The following DSG3 variants were observed in gnomAD, a reference collection of about 807,000 sequenced individuals.
The protein encoded by DSG3 is desmoglein-3.
Under a neutral mutation model 85.9 loss-of-function variants are expected in DSG3, and 63 were observed. That is an observed-to-expected ratio of 0.73 (90% CI 0.60 to 0.90). DSG3 has a LOEUF of 0.90. Ranked by LOEUF, DSG3 falls within the 40% of genes least tolerant of loss-of-function variation. DSG3 has a pLI of 0.00. For missense variants in DSG3, 1,220 were observed against 1,219.9 expected (o/e 1.00, Z 0.00); for synonymous variants, 447 against 441.9 (o/e 1.01, Z -0.14).
rs1473179437 is a variant in DSG3 at position 31,477,334 on chromosome 18, AT to A, written c.*1080del. ...CTGTGTTAGTCTTTGAAAATAGCTCATTTTTTAAATGTCAGTGAGTAGATGT... is the reference window on the plus strand; with the variant it reads ...CTGTGTTAGTCTTTGAAAATAGCTCATTTTTAAATGTCAGTGAGTAGATGT... On this transcript the variant is annotated 3_prime_UTR_variant, in exon 16 of 16. Coordinates refer to ENST00000257189, the MANE Select transcript of DSG3 (RefSeq NM_001944.3). 2 of 152,200 alleles carry A rather than the reference AT, an allele frequency of 1.3e-5. No homozygotes were observed. Among genetic ancestry groups the A allele is most frequent in the Non-Finnish European group, 2.9e-5 (2 of 68,022 alleles). 9.4% of individuals were successfully genotyped at this position (152,200 alleles called of 1,614,324 possible).
rs137884016 is a variant in DSG3, at chr18:31,458,574, G to C, written c.346G>C (p.Asp116His). The C allele has an allele frequency of 3.1e-6, 5 of 1,613,448 alleles. No homozygotes were observed. Among genetic ancestry groups the C allele is most frequent in the African/African-American group, 1.3e-5 (1 of 75,006 alleles). Reference protein sequence around the residue: ...TGDINITAIVDREETPSFLIT... With the variant: ...TGDINITAIVHREETPSFLIT... ...AGATATTAACATAACAGCTATAGTC[G>C]ACCGGGAGGAAACTCCAAGCTTCCT... Residue 116 changes from aspartate to histidine, a missense_variant, in exon 4 of 16, where the codon GAC becomes CAC. Asp to His is a moderately conservative substitution (Grantham distance 81, BLOSUM62 -1). Transcript: ENST00000257189.
At position 31,475,703 on chromosome 18, in the gene DSG3, A is replaced by T. The variant is rs1256313405; in HGVS notation, c.2443A>T (p.Ile815Phe). The change falls in exon 16 of 16, where the codon ATC (isoleucine) becomes TTC (phenylalanine). Residue 815 changes from isoleucine to phenylalanine, a missense_variant. By Grantham distance (21) the Ile-to-Phe change is conservative (BLOSUM62 0). Transcript: ENST00000257189. ...CCAGGAAGCAAATGACTGCTTGTTG[A>T]TCTATGATAATGAAGGCGCAGATGC... ...DGQEANDCLL[I>F]YDNEGADATG... The T allele has an allele frequency of 1.9e-6, 3 of 1,613,990 alleles. No individual in the cohort carries two copies. Among genetic ancestry groups the T allele is most frequent in the Non-Finnish European group, 1.7e-6 (2 of 1,180,034 alleles).
At chr18:31,451,288 G>C (rs1001191249) in intron 1 of DSG3, among the ~76,000 whole-genome samples, 1 of 152,080 alleles carries the variant, frequency 6.6e-6, no homozygotes, top group African/African-American at 2.4e-5. Context: ...ATGAGCATTT[G>C]GACAATTTGC....
intron 13 of DSG3, 112 bp from the exon 14 acceptor site, chr18:31,472,613 T>G (rs2072862993): frequency 7.7e-7 from 1 of 1,305,032 alleles, no homozygotes; most frequent in East Asian, 2.5e-5. Flanking sequence ...CTGAAAGAAT[T>G]TGCACTTCTT....
At chr18:31,474,078 A>G in intron 14 of DSG3, 43 bp from the exon 15 acceptor site, 1 of 1,570,124 alleles carries the variant, frequency 6.4e-7, no homozygotes, top group Non-Finnish European at 8.7e-7. Context: ...AATGCAACAA[A>G]CAACAGCATA....
intron 4 of DSG3, 147 bp downstream of exon 4, chr18:31,458,747 G>T: frequency 2.0e-6 from 2 of 1,000,436 alleles, no homozygotes; most frequent in South Asian, 3.5e-5. Flanking sequence ...CCTCCACAGA[G>T]CCTCGCCTGA....
chr18:31,448,835 A>C (rs2072694441), intron 1 of DSG3, among the ~76,000 whole-genome samples: 1 of 152,270 alleles, frequency 6.6e-6, no homozygotes, highest in South Asian at 2.1e-4. Context: ...AATTGAGATA[A>C]ATGGACTTCA....
At chr18:31,458,790 T>A (rs896069811) in intron 4 of DSG3, among the ~76,000 whole-genome samples, 190 bp downstream of exon 4, 12 of 152,190 alleles carry the variant, frequency 7.9e-5, no homozygotes, top group Admixed American at 2.6e-4. Flanking sequence ...GAGTGAGGGT[T>A]GAAATCTAGC....
At chr18:31,473,877 A>G (rs540749425) in intron 14 of DSG3, among the ~76,000 whole-genome samples, 78 of 152,314 alleles carry the variant, frequency 5.1e-4, no homozygotes, top group African/African-American at 1.8e-3. Flanking sequence ...GTCACTGAAA[A>G]TCTTATTTCT....
intron 1 of DSG3, among the ~76,000 whole-genome samples, chr18:31,450,280 A>C (rs894629101): frequency 3.3e-5 from 5 of 152,178 alleles, no homozygotes; most frequent in Non-Finnish European, 5.9e-5. Context: ...TTGTCAGAAG[A>C]GTATAATCAA....
intron 4 of DSG3, 62 bp downstream of exon 4, chr18:31,458,662 G>A (rs2072764653): frequency 6.5e-7 from 1 of 1,541,436 alleles, no homozygotes; most frequent in Non-Finnish European, 8.8e-7. Context: ...TTTAGAAAGT[G>A]ACAGTTTTCT....
chr18:31,474,127 G>T lies in DSG3; in HGVS notation c.2108G>T (p.Cys703Phe). ...GADFMESSEV[C>F]TNTYARGTAV... ...TGTTCTCCCTTGTTTTTAGAAGTTT[G>T]TACAAATACGTATGCCAGAGGCACA... Residue 703 changes from cysteine (C) to phenylalanine (F), a missense_variant, in exon 15 of 16, where the codon TGT becomes TTT. Transcript: ENST00000257189. 6.2e-7 allele frequency: 1 copy of T among 1,611,496 alleles called. No individual in the cohort carries two copies. Among genetic ancestry groups the T allele is most frequent in the Non-Finnish European group, 8.5e-7 (1 of 1,177,850 alleles).
intron 11 of DSG3, among the ~76,000 whole-genome samples, chr18:31,468,251 G>A (rs16961977): frequency 0.13 from 19,428 of 152,180 alleles, 1,320 homozygotes; most frequent in African/African-American, 0.18. Context: ...TGCAGCTCAC[G>A]GGATAAGAAC....
At chr18:31,466,396 C>T in intron 10 of DSG3, 134 bp from the exon 11 acceptor site, 1 of 737,332 alleles carries the variant, frequency 1.4e-6, no homozygotes, top group Non-Finnish European at 2.2e-6. Context: ...ACTATTTTTA[C>T]TTCTGAGGAT....
At chr18:31,460,756 A>T in intron 6 of DSG3, 77 bp from the exon 7 acceptor site, 1 of 1,290,212 alleles carries the variant, frequency 7.8e-7, no homozygotes, top group Non-Finnish European at 1.1e-6. Context: ...CTACCTCCTT[A>T]CCCATAGGAA....
chr18:31,455,711 T>C (rs111954648), intron 1 of DSG3, among the ~76,000 whole-genome samples: 3 of 152,234 alleles, frequency 2.0e-5, no homozygotes, highest in African/African-American at 7.2e-5. Context: ...ATGTCTCATA[T>C]GCTCTTGAGA....
chr18:31,469,084 T>C lies in DSG3; in HGVS notation c.1637-5T>C, dbSNP rs902683416. Reference sequence around the variant, plus strand: ...CTGTTGATTTGCATGATTCTTTCTCTACAGCTACCTCGGCCCTCCTCAGAG... The same window carrying C: ...CTGTTGATTTGCATGATTCTTTCTCCACAGCTACCTCGGCCCTCCTCAGAG... On this transcript the variant is annotated splice_region_variant and splice_polypyrimidine_tract_variant and intron_variant, in intron 11 of 15. Transcript: ENST00000257189. 1 of 1,612,212 alleles carries C rather than the reference T, an allele frequency of 6.2e-7. No homozygotes were observed. Among genetic ancestry groups the C allele is most frequent in the Non-Finnish European group, 8.5e-7 (1 of 1,178,276 alleles).
At chr18:31,473,649 G>A (rs1441985121) in intron 14 of DSG3, among the ~76,000 whole-genome samples, 1 of 152,164 alleles carries the variant, frequency 6.6e-6, no homozygotes, top group East Asian at 1.9e-4. Context: ...ATAATGTCAA[G>A]GTAACAGGCT....
At chr18:31,466,883 G>T (rs2072824426) in intron 11 of DSG3, 129 bp downstream of exon 11, 2 of 718,016 alleles carry the variant, frequency 2.8e-6, no homozygotes, top group Admixed American at 5.3e-5. Flanking sequence ...TGAAGATGTG[G>T]CTGTAGCATT....
Sources: gnomAD v4.1 joint callset for allele counts (sites outside exome capture counted in the v4.1 genomes callset) on GRCh38, gnomAD v4.1.1 for gene constraint, MANE v1.5 for transcripts, NCBI Gene and HGNC (gene_info 2026-07-23, HGNC 2026-07-21) for gene names.